The following GRM8 variants were observed in gnomAD, a reference collection of about 807,000 sequenced individuals.
The protein encoded by GRM8 is glutamate metabotropic receptor 8, also known as metabotropic glutamate receptor 8.
A neutral mutation model predicts 87.2 loss-of-function variants in GRM8; 47 were observed. The observed-to-expected ratio is 0.54, with a 90% CI of 0.43 to 0.69. GRM8 has a LOEUF of 0.69. GRM8 is among the 30% of genes least tolerant of loss of function. The pLI, the probability that GRM8 is intolerant of heterozygous loss-of-function variation, is 0.00. For synonymous variants in GRM8, 396 were observed against 404.5 expected (o/e 0.98, Z 0.25); for missense variants, 1,019 against 1,139.2 (o/e 0.89, Z 1.52).
chr7:126,532,467 T>C (rs2283066), intron 9 of GRM8, among the ~76,000 whole-genome samples: 55,856 of 151,836 alleles, frequency 0.37, 10,402 homozygotes, highest in Middle Eastern at 0.43. Context: ...TACCAAGCAA[T>C]GGCTTTATCC....
intron 7 of GRM8, among the ~76,000 whole-genome samples, chr7:126,725,055 G>A (rs1812809742): frequency 1.3e-5 from 2 of 152,170 alleles, no homozygotes; most frequent in Admixed American, 6.5e-5. Flanking sequence ...TGCTCAAGAT[G>A]ACTGAAGATG....
chr7:127,225,920 T>A (rs1402726770), intron 2 of GRM8, among the ~76,000 whole-genome samples: 3 of 151,994 alleles, frequency 2.0e-5, no homozygotes, highest in Non-Finnish European at 4.4e-5. Context: ...AAAACTTTCA[T>A]TACACTTGTT....
At position 127,107,595 on chromosome 7, in the gene GRM8, G is replaced by C. The variant is rs573805364; in HGVS notation, c.511-883C>G. On this transcript the variant is annotated intron_variant, in intron 2 of 10. Transcript: ENST00000339582. ...TAACTTGAAGATGCAGGTTTGACTT[G>C]TACATGAAAAAATTAACTTTATGCT... is the stretch of plus-strand genomic sequence containing the variant. 2.0e-5 allele frequency among the ~76,000 whole-genome samples: 3 copies of C among 152,222 alleles called. No individual in the cohort carries two copies. The South Asian group carries it at 6.2e-4, about 32-fold the overall frequency.
chr7:127,226,741 T>C (rs1401747321), intron 2 of GRM8, among the ~76,000 whole-genome samples: 1 of 152,262 alleles, frequency 6.6e-6, no homozygotes, highest in Non-Finnish European at 1.5e-5. Flanking sequence ...CTAGAATTCA[T>C]GCTAGAGCTC....
intron 3 of GRM8, among the ~76,000 whole-genome samples, chr7:127,100,264 C>A (rs28951990): frequency 7.2e-5 from 11 of 152,180 alleles, no homozygotes; most frequent in Admixed American, 7.2e-4. Flanking sequence ...CTACTGTGCA[C>A]GTTCAGCTAT....
intron 2 of GRM8, among the ~76,000 whole-genome samples, chr7:127,154,129 T>C (rs562547538): frequency 1.3e-5 from 2 of 152,262 alleles, no homozygotes; most frequent in Non-Finnish European, 2.9e-5. Context: ...CTTGTCAACC[T>C]GGAGTTTGGG....
At chr7:126,891,944 A>G (rs745932979) in intron 6 of GRM8, among the ~76,000 whole-genome samples, 10 of 146,384 alleles carry the variant, frequency 6.8e-5, no homozygotes, top group Non-Finnish European at 1.0e-4. Flanking sequence ...TTTGTGCCAG[A>G]TGCCACCCAA....
chr7:127,143,420 C>T (rs895650551), intron 2 of GRM8, among the ~76,000 whole-genome samples: 23 of 152,234 alleles, frequency 1.5e-4, no homozygotes, highest in Non-Finnish European at 3.1e-4. Context: ...TAACTAATAT[C>T]CAGTGTGATA....
intron 9 of GRM8, among the ~76,000 whole-genome samples, chr7:126,465,795 C>A (rs1015102793): frequency 6.0e-5 from 9 of 151,202 alleles, no homozygotes; most frequent in African/African-American, 2.2e-4. Context: ...TGTCTTTTTT[C>A]TTTTTATTGT....
At chr7:126,470,239 T>A (rs1805008667) in intron 9 of GRM8, among the ~76,000 whole-genome samples, 1 of 151,944 alleles carries the variant, frequency 6.6e-6, no homozygotes, top group Admixed American at 6.6e-5. Context: ...GTGCACAATG[T>A]GCAGGTTAGT....
At chr7:126,442,934 T>A (rs531860219) in intron 10 of GRM8, among the ~76,000 whole-genome samples, 5 of 152,138 alleles carry the variant, frequency 3.3e-5, no homozygotes, top group South Asian at 2.1e-4. Context: ...GGATGGCAGA[T>A]ACCTCGCAAG....
intron 6 of GRM8, among the ~76,000 whole-genome samples, chr7:126,773,622 T>C (rs1293705624): frequency 1.3e-5 from 2 of 152,270 alleles, no homozygotes; most frequent in African/African-American, 4.8e-5. Context: ...ATAAAGATAC[T>C]CCTCAGCATT....
At chr7:126,903,577 C>T (rs1377872629) in intron 5 of GRM8, among the ~76,000 whole-genome samples, 2 of 142,938 alleles carry the variant, frequency 1.4e-5, no homozygotes, top group African/African-American at 5.3e-5. Context: ...CACACACACA[C>T]ACACACACAC....
At chr7:126,825,800 A>G (rs974974064) in intron 6 of GRM8, among the ~76,000 whole-genome samples, 24 of 151,988 alleles carry the variant, frequency 1.6e-4, no homozygotes, top group African/African-American at 5.6e-4. Flanking sequence ...TACATGTGCC[A>G]TGCTGGTGTG....
rs574115296 is a variant in GRM8 at position 126,834,033 on chromosome 7, G to A, written c.1157-63968C>T. ...CAAAGTGCCTGTGCTGTGCCTCAAA[G>A]ACTGAAAGAAGTGTATTCAGAGATC... On this transcript the variant is annotated intron_variant, in intron 6 of 10. Coordinates refer to ENST00000339582, the MANE Select transcript of GRM8 (RefSeq NM_000845.3). 2.0e-5 allele frequency among the ~76,000 whole-genome samples: 3 copies of A among 152,264 alleles called. No individual in the cohort carries two copies. In the East Asian group the frequency reaches 5.8e-4, roughly 29 times the overall value.
At chr7:126,903,565 TACACACACACACAC>T (rs35182354) in intron 5 of GRM8, among the ~76,000 whole-genome samples, 45 of 118,570 alleles carry the variant, frequency 3.8e-4, no homozygotes, top group East Asian at 3.1e-3. Context: ...CCTAAATACA[TACACACACACACAC>T]ACACACACAC....
At chr7:127,032,818 TA>T in intron 3 of GRM8, among the ~76,000 whole-genome samples, 1 of 152,246 alleles carries the variant, frequency 6.6e-6, no homozygotes. Flanking sequence ...ATAAGAAGGA[TA>T]AAAGTTTTCT....
intron 6 of GRM8, chr7:126,870,575 C>T (rs1799006914): frequency 6.6e-6 from 1 of 152,058 alleles, no homozygotes; most frequent in African/African-American, 2.4e-5. Flanking sequence ...TATTGTGGCT[C>T]AGGGACTAGG....
intron 3 of GRM8, among the ~76,000 whole-genome samples, chr7:127,055,913 A>G (rs958367369): frequency 4.6e-5 from 7 of 152,240 alleles, no homozygotes; most frequent in African/African-American, 1.7e-4. Context: ...TTAAAAATAA[A>G]TAGCTTATGA....
Sources: allele counts gnomAD v4.1 joint callset (sites outside exome capture counted in the v4.1 genomes callset), GRCh38; gene constraint gnomAD v4.1.1; transcripts MANE v1.5; gene names NCBI Gene and HGNC (gene_info 2026-07-23, HGNC 2026-07-21).